PPP6R2: variants seen among roughly 807,000 people sequenced by gnomAD.
PPP6R2 encodes the protein serine/threonine-protein phosphatase 6 regulatory subunit 2.
Under a neutral mutation model 100.2 loss-of-function variants are expected in PPP6R2, and 62 were observed. That is an observed-to-expected ratio of 0.62 (90% confidence interval 0.50 to 0.76). PPP6R2 has a LOEUF of 0.76. Ranked by LOEUF, PPP6R2 falls within the 30% of genes least tolerant of loss-of-function variation. PPP6R2 has a pLI of 0.00. For missense variants in PPP6R2, 1,142 were observed against 1,276.3 expected (o/e 0.89, Z 1.60); for synonymous variants, 525 against 514.7 (o/e 1.02, Z -0.27).
At chr22:50,355,042 T>C (rs1368194172) in intron 1 of PPP6R2, among the ~76,000 whole-genome samples, 1 of 151,258 alleles carries the variant, frequency 6.6e-6, no homozygotes, top group Non-Finnish European at 1.5e-5. Context: ...AGGGCCTTGC[T>C]CTATTGCCCA....
chr22:50,350,963 T>C (rs1431618758), intron 1 of PPP6R2, among the ~76,000 whole-genome samples: 3 of 150,194 alleles, frequency 2.0e-5, no homozygotes, highest in Non-Finnish European at 4.4e-5. Flanking sequence ...ACTAGATGCA[T>C]GGTCAATGAG....
In PPP6R2 at chr22:50,431,500, G is replaced by GA. The variant is rs1244956834; in HGVS notation, c.1335+122dup. Reference sequence around the variant, plus strand: ...GCAGCTGACACGGGGGCAGGGCTTTGAAAAGGGTCCCCAGGTGTCTGGTCA... The same window carrying GA: ...GCAGCTGACACGGGGGCAGGGCTTTGAAAAAGGGTCCCCAGGTGTCTGGTCA... On this transcript the variant is annotated intron_variant, in intron 11 of 23. Coordinates refer to ENST00000612753, the MANE Select transcript of PPP6R2 (RefSeq NM_001242898.2). The surrounding 1 kb of genome is among the most constrained non-coding windows in gnomAD (Gnocchi z 4.8). 8.8e-6 allele frequency: 8 copies of GA among 908,814 alleles called. No individual in the cohort carries two copies. In the African/African-American group the frequency reaches 1.3e-4, roughly 15 times the overall value. 56.3% of individuals were successfully genotyped at this position (908,814 alleles called of 1,614,324 possible). A position where few individuals can be genotyped will look rare whatever the true frequency, so the allele number is the denominator to read the frequency against.
intron 2 of PPP6R2, chr22:50,393,516 G>T (rs988881576): frequency 1.0e-6 from 1 of 984,934 alleles, no homozygotes. Context: ...GGGGCATGTC[G>T]AGCACGCTGG....
intron 2 of PPP6R2, among the ~76,000 whole-genome samples, chr22:50,384,648 CTGGGG>C (rs1166699905): frequency 1.3e-5 from 2 of 152,192 alleles, no homozygotes; most frequent in Non-Finnish European, 2.9e-5. Flanking sequence ...CTTCTTGCTG[CTGGGG>C]ACACTGTGGT....
Position 50,443,894 on chromosome 22 carries a change from A to G in PPP6R2, c.2608A>G (p.Ser870Gly). The G allele has an allele frequency of 6.3e-7, 1 of 1,587,768 alleles. No homozygotes were observed. The highest frequency in any genetic ancestry group is 8.6e-7 in the Non-Finnish European group (1 of 1,167,230). Residue 870 changes from serine (S) to glycine (G), a missense_variant, in exon 23 of 24, where the codon AGC (serine) becomes GGC (glycine). Physicochemically the swap from Ser to Gly is moderately conservative, Grantham distance 56. Transcript: ENST00000612753. ...RVGCADSRLL[S>G]PACPAPKEVT... ...CGGGTGTGCTGACAGCCGGCTGTTA[A>G]GCCCTGCCTGCCCCGCGCCAAAGGA...
intron 2 of PPP6R2, among the ~76,000 whole-genome samples, chr22:50,389,556 G>GT (rs112650389): frequency 9.3e-4 from 125 of 133,712 alleles, no homozygotes; most frequent in East Asian, 2.8e-3. Flanking sequence ...ATCTTTTTTT[G>GT]TTTTTTTTTT....
chr22:50,395,404 C>G (rs1034832531), intron 3 of PPP6R2, among the ~76,000 whole-genome samples: 2 of 152,102 alleles, frequency 1.3e-5, no homozygotes, highest in Non-Finnish European at 2.9e-5. Context: ...TGGCCTCCAG[C>G]TCCTCATGGT....
intron 2 of PPP6R2, among the ~76,000 whole-genome samples, chr22:50,384,577 T>G (rs906140413): frequency 6.6e-6 from 1 of 151,968 alleles, no homozygotes; most frequent in Non-Finnish European, 1.5e-5. Flanking sequence ...GAAAAGAAAT[T>G]TATTTCATAT....
At chr22:50,408,393 T>C (rs2059278229) in intron 4 of PPP6R2, among the ~76,000 whole-genome samples, 1 of 152,076 alleles carries the variant, frequency 6.6e-6, no homozygotes, top group South Asian at 2.1e-4. Context: ...TGCATGTGAG[T>C]GTTCAGTGGA....
intron 2 of PPP6R2, among the ~76,000 whole-genome samples, chr22:50,373,404 G>A (rs541993644): frequency 1.3e-5 from 2 of 151,542 alleles, no homozygotes; most frequent in South Asian, 4.2e-4. Flanking sequence ...AGCACGCCCG[G>A]CTAATTTTTT....
chr22:50,381,283 C>T (rs2052895565), intron 2 of PPP6R2, among the ~76,000 whole-genome samples: 2 of 140,434 alleles, frequency 1.4e-5, no homozygotes, highest in African/African-American at 5.4e-5. Flanking sequence ...CAGCACCACA[C>T]GGGCCCCACC....
chr22:50,331,003 A>C, the PPP6R2 span, among the ~76,000 whole-genome samples: 1 of 152,118 alleles, frequency 6.6e-6, no homozygotes, highest in Non-Finnish European at 1.5e-5. Context: ...AAGGTAATAA[A>C]TGCGTGTGGT....
chr22:50,358,524 T>C (rs910820413), intron 1 of PPP6R2, among the ~76,000 whole-genome samples: 1 of 152,238 alleles, frequency 6.6e-6, no homozygotes, highest in Non-Finnish European at 1.5e-5. Context: ...TATGATAAAC[T>C]ATACATGCTT....
At chr22:50,439,156 A>G (rs1255385147) in intron 19 of PPP6R2, among the ~76,000 whole-genome samples, 1 of 152,202 alleles carries the variant, frequency 6.6e-6, no homozygotes, top group African/African-American at 2.4e-5. Context: ...CACAGGCCGC[A>G]TGGCTGATGA....
intron 8 of PPP6R2, among the ~76,000 whole-genome samples, chr22:50,420,476 AGTTT>A (rs750015823): frequency 2.4e-4 from 37 of 152,252 alleles, no homozygotes; most frequent in Admixed American, 1.5e-3. Flanking sequence ...GTGAAAGTTG[AGTTT>A]GTTTGAGGAT....
At chr22:50,400,607 G>A (rs1253221651) in intron 3 of PPP6R2, among the ~76,000 whole-genome samples, 2 of 152,246 alleles carry the variant, frequency 1.3e-5, no homozygotes, top group South Asian at 2.1e-4. Context: ...TTATTCCATG[G>A]GTCAGGACAG....
In PPP6R2 at chr22:50,385,658, G is replaced by A. The variant is rs940371736; in HGVS notation, c.-16-8235G>A. On this transcript the variant is annotated intron_variant, in intron 2 of 23. Transcript: ENST00000612753. ...AGCCTCCTGAGTAGCTGGGATTATA[G>A]GCACCTGCCACTATGCCTGGCTAAT... Among the ~76,000 whole-genome samples the A allele has an allele frequency of 2.7e-5, 4 of 149,436 alleles. No individual in the cohort carries two copies. In the East Asian group the frequency reaches 5.9e-4, roughly 22 times the overall value.
At chr22:50,410,063 A>G (rs796332808) in intron 4 of PPP6R2, among the ~76,000 whole-genome samples, 34 of 151,640 alleles carry the variant, frequency 2.2e-4, no homozygotes, top group African/African-American at 4.6e-4. Context: ...TTTCTTTTCT[A>G]TTTTTTAATT....
intron 3 of PPP6R2, among the ~76,000 whole-genome samples, chr22:50,394,500 G>A (rs73172204): frequency 0.32 from 48,327 of 150,502 alleles, 8,536 homozygotes; most frequent in South Asian, 0.56. Flanking sequence ...TCGGGAGGCC[G>A]AGGTAGGAGG....
Sources: gnomAD v4.1 joint callset for allele counts (sites outside exome capture counted in the v4.1 genomes callset) on GRCh38, gnomAD v4.1.1 for gene constraint, Gnocchi (gnomAD v3.1) non-coding constraint, MANE v1.5 for transcripts, NCBI Gene and HGNC (gene_info 2026-07-23, HGNC 2026-07-21) for gene names.